ZNF366: variants seen among roughly 807,000 people sequenced by gnomAD.
ZNF366 encodes the protein zinc finger protein 366.
Under a neutral mutation model 47.2 loss-of-function variants are expected in ZNF366, and 20 were observed. The ratio of observed to expected loss-of-function variants is 0.42; its 90% CI spans 0.30 to 0.62. The LOEUF (loss-of-function observed/expected upper bound fraction) is 0.62. Ranked by LOEUF, ZNF366 falls within the 20% of genes least tolerant of loss-of-function variation. The pLI is 0.16. For synonymous variants in ZNF366, 421 were observed against 395.1 expected, an observed-to-expected ratio of 1.07 and a Z score of -0.78; for missense variants, 987 against 976.3, an observed-to-expected ratio of 1.01 and a Z score of -0.15.
intron 1 of ZNF366, among the ~76,000 whole-genome samples, chr5:72,481,425 T>C (rs1003622673): frequency 6.6e-6 from 1 of 152,194 alleles, no homozygotes; most frequent in Admixed American, 6.5e-5. Context: ...ATATATTTTC[T>C]TTTACAGCAC....
chr5:72,454,818 G>A lies in ZNF366; in HGVS notation c.1524+1586C>T, dbSNP rs187366600. The stretch of plus-strand genomic sequence containing the variant: ...AAATGTGAAGTGCTCTGGGGGCTCA[G>A]TGAAGTGGGAAGGAAATGAAAGAAG... On this transcript the variant is annotated intron_variant, in intron 3 of 4. Coordinates refer to ENST00000318442, the MANE Select transcript of ZNF366 (RefSeq NM_152625.3). 7.2e-5 allele frequency among the ~76,000 whole-genome samples: 11 copies of A among 152,324 alleles called. No individual in the cohort carries two copies. The East Asian group carries it at 1.9e-3, about 27-fold the overall frequency.
chr5:72,459,366 G>A (rs6452483), intron 2 of ZNF366, among the ~76,000 whole-genome samples: 62,401 of 151,988 alleles, frequency 0.41, 13,858 homozygotes, highest in East Asian at 0.86. Flanking sequence ...CGGAGGCTCA[G>A]AGCAGGTTCC....
intron 1 of ZNF366, among the ~76,000 whole-genome samples, chr5:72,497,546 A>T (rs1744139398): frequency 6.6e-6 from 1 of 152,160 alleles, no homozygotes; most frequent in Non-Finnish European, 1.5e-5. Context: ...TCTGTTATTA[A>T]TGGACAATTG....
intron 3 of ZNF366, among the ~76,000 whole-genome samples, chr5:72,451,706 C>T (rs1219640628): frequency 1.3e-5 from 2 of 152,164 alleles, no homozygotes; most frequent in Non-Finnish European, 2.9e-5. Context: ...AATATACCCA[C>T]CAGGCTACTT....
Position 72,441,959 on chromosome 5 carries a change from A to C in ZNF366, c.*1797T>G, listed in dbSNP as rs973446035. ...TAAGTAAGTCTGACCTGCTGGGCCC[A>C]TCCCACCCAATAGAGTCATTTCCAC... On this transcript the variant is annotated 3_prime_UTR_variant, in exon 5 of 5. Coordinates refer to ENST00000318442, the MANE Select transcript of ZNF366 (RefSeq NM_152625.3). The C allele has an allele frequency of 2.0e-5, 3 of 152,200 alleles. No homozygotes were observed. The highest frequency in any genetic ancestry group is 4.4e-5 in the Non-Finnish European group (3 of 68,040). 9.4% of individuals were successfully genotyped at this position (152,200 alleles called of 1,614,324 possible).
At chr5:72,463,786 A>G (rs1344120320) in intron 1 of ZNF366, among the ~76,000 whole-genome samples, 3 of 152,220 alleles carry the variant, frequency 2.0e-5, no homozygotes, top group Non-Finnish European at 2.9e-5. Context: ...TTAGCTTGCA[A>G]TCCAGCAGGT....
At chr5:72,506,872 C>G (rs1195474189) in intron 1 of ZNF366, among the ~76,000 whole-genome samples, 1 of 152,152 alleles carries the variant, frequency 6.6e-6, no homozygotes, top group Non-Finnish European at 1.5e-5. Context: ...CAGAGCAAAC[C>G]ACAGTCCTTA....
intron 1 of ZNF366, among the ~76,000 whole-genome samples, chr5:72,490,728 A>G (rs1464735649): frequency 6.6e-6 from 1 of 152,174 alleles, no homozygotes; most frequent in Admixed American, 6.5e-5. Flanking sequence ...ACCCCCAGCT[A>G]CCAGATGCCA....
chr5:72,462,636 C>T (rs146927296), intron 1 of ZNF366, among the ~76,000 whole-genome samples: 15 of 150,722 alleles, frequency 1.0e-4, no homozygotes, highest in Admixed American at 2.0e-4. Flanking sequence ...CTGCAATATC[C>T]GCCTCCTGGG....
At chr5:72,503,921 A>G (rs1182983405) in intron 1 of ZNF366, among the ~76,000 whole-genome samples, 1 of 152,184 alleles carries the variant, frequency 6.6e-6, no homozygotes, top group African/African-American at 2.4e-5. Context: ...GAAAGTGGAG[A>G]GAAATTTAAC....
At chr5:72,502,745 G>T (rs561557698) in intron 1 of ZNF366, among the ~76,000 whole-genome samples, 6 of 152,316 alleles carry the variant, frequency 3.9e-5, no homozygotes, top group African/African-American at 1.4e-4. Context: ...AAAGGGAATA[G>T]AAAAAGCTTA....
intron 3 of ZNF366, among the ~76,000 whole-genome samples, chr5:72,449,390 C>T (rs999219092): frequency 3.3e-5 from 5 of 151,968 alleles, no homozygotes; most frequent in South Asian, 2.1e-4. Flanking sequence ...GGACTACAGG[C>T]GCCTGGCTAA....
chr5:72,477,142 CA>C (rs1324415525), intron 1 of ZNF366, among the ~76,000 whole-genome samples: 2 of 152,258 alleles, frequency 1.3e-5, no homozygotes, highest in Middle Eastern at 3.4e-3. Context: ...TAACAACAAA[CA>C]ACTAAATGCA....
At chr5:72,477,476 G>A (rs1352579495) in intron 1 of ZNF366, among the ~76,000 whole-genome samples, 1 of 152,194 alleles carries the variant, frequency 6.6e-6, no homozygotes, top group African/African-American at 2.4e-5. Flanking sequence ...ATATCTGCAG[G>A]AGAGACCTTT....
At chr5:72,505,170 A>T (rs1744295593) in intron 1 of ZNF366, among the ~76,000 whole-genome samples, 1 of 152,220 alleles carries the variant, frequency 6.6e-6, no homozygotes, top group Non-Finnish European at 1.5e-5. Flanking sequence ...TCCCCCAATG[A>T]TATCACAAAA....
At chr5:72,497,861 A>G (rs941519056) in intron 1 of ZNF366, among the ~76,000 whole-genome samples, 4 of 152,182 alleles carry the variant, frequency 2.6e-5, no homozygotes, top group Non-Finnish European at 4.4e-5. Flanking sequence ...GAATTAAAAT[A>G]TCTTTTATTT....
At chr5:72,495,852 A>G (rs1744102569) in intron 1 of ZNF366, among the ~76,000 whole-genome samples, 1 of 152,184 alleles carries the variant, frequency 6.6e-6, no homozygotes, top group African/African-American at 2.4e-5. Context: ...TGGTACAAAA[A>G]GGAAATACAG....
At chr5:72,502,231 T>C (rs1744223854) in intron 1 of ZNF366, among the ~76,000 whole-genome samples, 1 of 152,236 alleles carries the variant, frequency 6.6e-6, no homozygotes, top group Non-Finnish European at 1.5e-5. Flanking sequence ...TGCTGCTTCC[T>C]TTCTTGTGAA....
At chr5:72,465,928 T>C (rs1367627102) in intron 1 of ZNF366, among the ~76,000 whole-genome samples, 2 of 152,172 alleles carry the variant, frequency 1.3e-5, no homozygotes, top group Non-Finnish European at 2.9e-5. Flanking sequence ...GATATCCTCA[T>C]AGGGTTGTTG....
Sources: allele counts gnomAD v4.1 joint callset (sites outside exome capture counted in the v4.1 genomes callset), GRCh38; gene constraint gnomAD v4.1.1; transcripts MANE v1.5; gene names NCBI Gene and HGNC (gene_info 2026-07-23, HGNC 2026-07-21).